Variants in PHF3 observed in about 807,000 individuals in gnomAD.
PHF3 encodes the protein PHD finger protein 3.
Under a neutral mutation model 178.4 loss-of-function variants are expected in PHF3, and 41 were observed. The observed-to-expected ratio is 0.23, with a 90% CI of 0.18 to 0.30. PHF3 has a LOEUF of 0.30. Ranked by LOEUF, PHF3 falls within the 10% of genes least tolerant of loss-of-function variation. The pLI, the probability that PHF3 is intolerant of heterozygous loss-of-function variation, is 1.00. For missense variants in PHF3, 2,346 were observed against 2,398.1 expected (o/e 0.98, Z 0.45); for synonymous variants, 842 against 800.5 (o/e 1.05, Z -0.88).
intron 11 of PHF3, among the ~76,000 whole-genome samples, chr6:63,704,191 A>G (rs994363187): frequency 6.6e-6 from 1 of 152,190 alleles, no homozygotes; most frequent in African/African-American, 2.4e-5. Flanking sequence ...TGTTAGCAAC[A>G]TCCCACACCA....
chr6:63,712,700 A>G lies in PHF3; in HGVS notation c.5112A>G (p.Ala1704=). Reference sequence around the variant, plus strand: ...ATGTAGAGGAAAAGTTGTGTTCTGCAGAGAAAAACTCGTGTGTTCAGCAGA... The same window carrying G: ...ATGTAGAGGAAAAGTTGTGTTCTGCGGAGAAAAACTCGTGTGTTCAGCAGA... ...QINVEEKLCS[A]EKNSCVQQSD... The change falls in exon 16 of 16, where the codon GCA becomes GCG. Residue 1704 remains alanine (A), a synonymous_variant. Coordinates refer to ENST00000262043, the MANE Select transcript of PHF3 (RefSeq NM_001370348.2). The G allele has an allele frequency of 6.2e-7, 1 of 1,614,028 alleles. No individual in the cohort carries two copies. Among genetic ancestry groups the G allele is most frequent in the Non-Finnish European group, 8.5e-7 (1 of 1,179,980 alleles).
chr6:63,721,837 A>G lies in PHF3; in HGVS notation c.*8129A>G. Reference sequence around the variant, plus strand: ...ACAGTAAGTTTGATTAGCAACAGTAAAAGTTTCCATTGAAAACTTTTGCTG... The same window carrying G: ...ACAGTAAGTTTGATTAGCAACAGTAGAAGTTTCCATTGAAAACTTTTGCTG... On this transcript the variant is annotated 3_prime_UTR_variant, in exon 16 of 16. Transcript: ENST00000262043. The G allele has an allele frequency of 1.3e-6, 2 of 1,498,808 alleles. No individual in the cohort carries two copies. Among genetic ancestry groups the G allele is most frequent in the Non-Finnish European group, 1.8e-6 (2 of 1,124,416 alleles). 92.8% of individuals were successfully genotyped at this position (1,498,808 alleles called of 1,614,324 possible).
At chr6:63,693,601 A>G (rs1470487289) in intron 5 of PHF3, among the ~76,000 whole-genome samples, 1 of 152,108 alleles carries the variant, frequency 6.6e-6, no homozygotes, top group Non-Finnish European at 1.5e-5. Context: ...AAAGAGTGAA[A>G]CTCCGTCTCA....
chr6:63,646,269 A>G (rs1168883432), intron 1 of PHF3, among the ~76,000 whole-genome samples: 1 of 152,134 alleles, frequency 6.6e-6, no homozygotes, highest in Non-Finnish European at 1.5e-5. Context: ...CCTAAAAATA[A>G]TGAACTGAGT....
At chr6:63,686,954 G>A (rs186733667) in intron 4 of PHF3, among the ~76,000 whole-genome samples, 3 of 152,262 alleles carry the variant, frequency 2.0e-5, no homozygotes, top group African/African-American at 7.2e-5. Context: ...TGTAAAATAA[G>A]TTTTATGTCA....
intron 2 of PHF3, among the ~76,000 whole-genome samples, chr6:63,660,456 CTT>C (rs1176402305): frequency 1.3e-5 from 2 of 152,074 alleles, no homozygotes; most frequent in African/African-American, 4.8e-5. Flanking sequence ...CTGATTTTGA[CTT>C]TATTCATTTA....
chr6:63,687,151 G>T (rs575661334), intron 4 of PHF3, among the ~76,000 whole-genome samples: 1 of 152,042 alleles, frequency 6.6e-6, no homozygotes, highest in Non-Finnish European at 1.5e-5. Flanking sequence ...AGGCGCAGTC[G>T]CATGCCTGTA....
intron 2 of PHF3, among the ~76,000 whole-genome samples, chr6:63,660,791 C>G (rs755869804): frequency 6.6e-6 from 1 of 152,148 alleles, no homozygotes; most frequent in Non-Finnish European, 1.5e-5. Flanking sequence ...TACATTTGCT[C>G]TCTCACCCCT....
chr6:63,674,031 T>C (rs1766042381), intron 2 of PHF3, among the ~76,000 whole-genome samples: 1 of 152,150 alleles, frequency 6.6e-6, no homozygotes, highest in Admixed American at 6.5e-5. Context: ...GAAGCTCTTT[T>C]GCCTTATACA....
At position 63,721,753 on chromosome 6, in the gene PHF3, G is replaced by T; in HGVS notation, c.*8045G>T. The T allele has an allele frequency of 6.4e-7, 1 of 1,550,908 alleles. No homozygotes were observed. The highest frequency in any genetic ancestry group is 8.7e-7 in the Non-Finnish European group (1 of 1,146,386). ...ATAGTTCTGTCGCCAAGGTTGTAGC[G>T]AAGTTGAACGGAACTATTTACTAAA... On this transcript the variant is annotated 3_prime_UTR_variant, in exon 16 of 16. Transcript: ENST00000262043.
At chr6:63,650,930 G>A (rs1429926550) in intron 2 of PHF3, among the ~76,000 whole-genome samples, 1 of 151,664 alleles carries the variant, frequency 6.6e-6, no homozygotes, top group Non-Finnish European at 1.5e-5. Context: ...GGGGTTGGTG[G>A]GGCTATTTGT....
At chr6:63,637,267 C>T (rs912289199) in intron 1 of PHF3, among the ~76,000 whole-genome samples, 15 of 152,142 alleles carry the variant, frequency 9.9e-5, no homozygotes, top group African/African-American at 3.6e-4. Flanking sequence ...TATTTAGTTA[C>T]TATTTTGGGG....
Position 63,712,067 on chromosome 6 carries a change from TAAAG to T in PHF3, c.4483_4486del (p.Glu1495PhefsTer4). 1 of 1,613,678 alleles carries T rather than the reference TAAAG, an allele frequency of 6.2e-7. No homozygotes were observed. The highest frequency in any genetic ancestry group is 8.5e-7 in the Non-Finnish European group (1 of 1,179,930). ...AGTCAGTGATGGAACAAAACACTGT[TAAAG>T]AAATTCCATTTTTAAATGAGCAGAC... On this transcript the variant is annotated frameshift_variant, in exon 16 of 16. Coordinates refer to ENST00000262043, the MANE Select transcript of PHF3 (RefSeq NM_001370348.2). LOFTEE classifies it high-confidence loss of function.
rs1200345544 is a variant in PHF3 at position 63,679,886 on chromosome 6, T to G, written c.245-114T>G. ...TTAGAAAATTTCACATTCCAGATTT[T>G]CAAGAGTATGTAGTGTTACATTAAG... is the stretch of plus-strand genomic sequence containing the variant. On this transcript the variant is annotated intron_variant, in intron 2 of 15. Transcript: ENST00000262043. 4.6e-6 allele frequency: 4 copies of G among 868,192 alleles called. No individual in the cohort carries two copies. The South Asian group carries it at 5.6e-5, about 12-fold the overall frequency. 53.8% of individuals were successfully genotyped at this position (868,192 alleles called of 1,614,324 possible). A position where few individuals can be genotyped will look rare whatever the true frequency, so the allele number is the denominator to read the frequency against.
In PHF3 at chr6:63,646,600, G is replaced by C. The variant is rs759128044; in HGVS notation, c.49G>C (p.Asp17His). Residue 17 changes from aspartate to histidine, a missense_variant, in exon 2 of 16, where the codon GAT (aspartate) becomes CAT (histidine). By Grantham distance (81) the Asp-to-His change is moderately conservative. Transcript: ENST00000262043. ...FNHLIPTEHL[D>H]DALFLGSNLE... is the part of the protein sequence containing the mutation. ...TCATTTAATTCCTACTGAACACTTA[G>C]ATGATGCCCTATTTCTAGGATCCAA... The C allele has an allele frequency of 6.2e-7, 1 of 1,613,036 alleles. No individual in the cohort carries two copies. The highest frequency in any genetic ancestry group is 8.5e-7 in the Non-Finnish European group (1 of 1,179,242).
chr6:63,709,578 A>G (rs1325392800), intron 14 of PHF3, among the ~76,000 whole-genome samples: 1 of 152,206 alleles, frequency 6.6e-6, no homozygotes, highest in Admixed American at 6.5e-5. Context: ...AGCTATTGCA[A>G]AAAAGAGAAT....
chr6:63,712,677 G>A lies in PHF3; in HGVS notation c.5089G>A (p.Val1697Ile). Residue 1697 changes from valine to isoleucine, a missense_variant, in exon 16 of 16, where the codon GTA becomes ATA. Coordinates refer to ENST00000262043, the MANE Select transcript of PHF3 (RefSeq NM_001370348.2). ...GGAGCACTTAACAGAACAAATCAAT[G>A]TAGAGGAAAAGTTGTGTTCTGCAGA... Reference protein sequence around the residue: ...NKEHLTEQINVEEKLCSAEKN... With the variant: ...NKEHLTEQINIEEKLCSAEKN... 1 of 1,613,926 alleles carries A rather than the reference G, an allele frequency of 6.2e-7. No individual in the cohort carries two copies. Among genetic ancestry groups the A allele is most frequent in the Non-Finnish European group, 8.5e-7 (1 of 1,179,958 alleles).
chr6:63,724,435 GTTTAATTA>G lies in PHF3; in HGVS notation c.*10731_*10738del, dbSNP rs1768535928. ...AACTTATTTATATATTTTTAATATA[GTTTAATTA>G]TTTGAGTATGTTTTAACTTCACATT... On this transcript the variant is annotated 3_prime_UTR_variant, in exon 16 of 16. Transcript: ENST00000262043. Among the ~76,000 whole-genome samples, 1 of 152,032 alleles carries G rather than the reference GTTTAATTA, an allele frequency of 6.6e-6. No individual in the cohort carries two copies. Among genetic ancestry groups the G allele is most frequent in the African/African-American group, 2.4e-5 (1 of 41,424 alleles).
chr6:63,646,393 A>ATT, intron 1 of PHF3, 134 bp from the exon 2 acceptor site: 1 of 504,982 alleles, frequency 2.0e-6, no homozygotes, highest in Non-Finnish European at 3.3e-6. Context: ...ACAAGTGAGG[A>ATT]TTTTTTTTTT....
Sources: gnomAD v4.1 joint callset for allele counts (sites outside exome capture counted in the v4.1 genomes callset) on GRCh38, gnomAD v4.1.1 for gene constraint, MANE v1.5 for transcripts, NCBI Gene and HGNC (gene_info 2026-07-23, HGNC 2026-07-21) for gene names.